CDIP1: variants seen among roughly 807,000 people sequenced by gnomAD.
CDIP1 encodes cell death-inducing p53-target protein 1.
In CDIP1, 9 loss-of-function variants were observed where a neutral mutation model predicts 17.7. That is an observed-to-expected ratio of 0.51 (90% confidence interval 0.31 to 0.89). The LOEUF (loss-of-function observed/expected upper bound fraction) is 0.89, where lower values mean the gene tolerates loss of function less well. CDIP1 is among the 40% of genes least tolerant of loss of function. CDIP1 has a pLI of 0.05. For synonymous variants in CDIP1, 117 were observed against 109.5 expected (o/e 1.07, Z -0.43); for missense variants, 263 against 277.9 (o/e 0.95, Z 0.38).
At chr16:4,531,280 G>A (rs1302063226) in intron 1 of CDIP1, among the ~76,000 whole-genome samples, 4 of 151,658 alleles carry the variant, frequency 2.6e-5, no homozygotes, top group Non-Finnish European at 5.9e-5. Flanking sequence ...CGCCTACCTC[G>A]GCCTCCCAAA....
chr16:4,533,979 C>G (rs1462569043), intron 1 of CDIP1, among the ~76,000 whole-genome samples: 3 of 152,034 alleles, frequency 2.0e-5, no homozygotes, highest in African/African-American at 7.2e-5. Flanking sequence ...TTGAAACAGT[C>G]TCACTCTGTC....
Position 4,511,544 on chromosome 16 carries a change from C to G in CDIP1, c.*1028G>C, listed in dbSNP as rs1476228151. 1 of 152,366 alleles carries G rather than the reference C, an allele frequency of 6.6e-6. No individual in the cohort carries two copies. The highest frequency in any genetic ancestry group is 2.1e-4 in the South Asian group (1 of 4,832). 9.4% of individuals were successfully genotyped at this position (152,366 alleles called of 1,614,324 possible). A position where few individuals can be genotyped will look rare whatever the true frequency, so the allele number is the denominator to read the frequency against. ...CTACCACTTGTGGCTGCTCCTTCCT[C>G]GTCCCTAGCCCAGTGTGCCTGCAGG... is the stretch of plus-strand genomic sequence containing the variant. On this transcript the variant is annotated 3_prime_UTR_variant, in exon 6 of 6. Coordinates refer to ENST00000567695, the MANE Select transcript of CDIP1 (RefSeq NM_013399.3).
chr16:4,513,901 A>T lies in CDIP1; in HGVS notation c.86-50T>A, dbSNP rs2058860903. On this transcript the variant is annotated intron_variant, in intron 3 of 5. Coordinates refer to ENST00000567695, the MANE Select transcript of CDIP1 (RefSeq NM_013399.3). The surrounding 1 kb of genome is among the most constrained non-coding windows in gnomAD (Gnocchi z 4.1). ...GAGACTGAGCTGGAGCCTCTGCACG[A>T]TGAGCTCGACCAGAGGCCACTGTTT... is the stretch of plus-strand genomic sequence containing the variant. 6.6e-7 allele frequency: 1 copy of T among 1,505,922 alleles called. No individual in the cohort carries two copies. The highest frequency in any genetic ancestry group is 1.3e-5 in the South Asian group (1 of 76,126). 93.3% of individuals were successfully genotyped at this position (1,505,922 alleles called of 1,614,324 possible).
rs142578564 is a variant in CDIP1 at position 4,527,659 on chromosome 16, T to C, written c.-105+11043A>G. 3.9e-3 allele frequency among the ~76,000 whole-genome samples: 590 copies of C among 152,290 alleles called. 1 individual carries two copies. The highest frequency in any genetic ancestry group is 6.1e-3 in the Non-Finnish European group (416 of 68,020). On this transcript the variant is annotated intron_variant, in intron 1 of 5. Coordinates refer to ENST00000567695, the MANE Select transcript of CDIP1 (RefSeq NM_013399.3). ...TCTTATGGACTCAATTCCACTTCAA[T>C]GTATTCGTTCTAGAGGTAAATGGAC...
At position 4,511,642 on chromosome 16, in the gene CDIP1, C is replaced by G. The variant is rs2058831021; in HGVS notation, c.*930G>C. 6.6e-6 allele frequency: 1 copy of G among 152,404 alleles called. No homozygotes were observed. Among genetic ancestry groups the G allele is most frequent in the Non-Finnish European group, 1.5e-5 (1 of 68,208 alleles). 9.4% of individuals were successfully genotyped at this position (152,404 alleles called of 1,614,324 possible). A position where few individuals can be genotyped will look rare whatever the true frequency, so the allele number is the denominator to read the frequency against. ...GCCCGGCACTTACAGGGAAGAAAAT[C>G]CATGGAGAAGGCTCTGCACATCCAA... On this transcript the variant is annotated 3_prime_UTR_variant, in exon 6 of 6. Coordinates refer to ENST00000567695, the MANE Select transcript of CDIP1 (RefSeq NM_013399.3).
At chr16:4,538,157 C>G (rs997219305) in intron 1 of CDIP1, among the ~76,000 whole-genome samples, 4 of 152,178 alleles carry the variant, frequency 2.6e-5, no homozygotes. Flanking sequence ...TGCGGGCGAG[C>G]AGGCTGCCAT....
At chr16:4,530,194 T>C (rs1200597494) in intron 1 of CDIP1, among the ~76,000 whole-genome samples, 1 of 152,190 alleles carries the variant, frequency 6.6e-6, no homozygotes, top group Non-Finnish European at 1.5e-5. Context: ...AGAGTGGGAA[T>C]CTAATTTGTA....
At position 4,512,560 on chromosome 16, in the gene CDIP1, G is replaced by T; in HGVS notation, c.*12C>A. The T allele has an allele frequency of 6.3e-7, 1 of 1,598,410 alleles. No homozygotes were observed. Among genetic ancestry groups the T allele is most frequent in the Non-Finnish European group, 8.6e-7 (1 of 1,165,976 alleles). ...AGACTGACAGGCGGGGGAGTCCCGA[G>T]TCCCAGCTCCGTTAGCACAGGCGCT... On this transcript the variant is annotated 3_prime_UTR_variant, in exon 6 of 6. Coordinates refer to ENST00000567695, the MANE Select transcript of CDIP1 (RefSeq NM_013399.3). This position sits in a 1 kb window ranked among gnomAD's most constrained non-coding sequence, Gnocchi z 4.6.
intron 1 of CDIP1, among the ~76,000 whole-genome samples, chr16:4,534,544 C>A (rs1293592187): frequency 6.6e-6 from 1 of 152,240 alleles, no homozygotes; most frequent in African/African-American, 2.4e-5. Flanking sequence ...CTTAGACACT[C>A]TGGCTGCTGC....
chr16:4,514,073 C>T lies in CDIP1; in HGVS notation c.58G>A (p.Glu20Lys), dbSNP rs2141628480. Residue 20 changes from glutamate (E) to lysine (K), a missense_variant, in exon 3 of 6, where the codon GAG (glutamate) becomes AAG (lysine). By Grantham distance (56) the Glu-to-Lys change is moderately conservative. Transcript: ENST00000567695. This position sits in a 1 kb window ranked among gnomAD's most constrained non-coding sequence, Gnocchi z 5.2. ...PGGPTAPLLE[E>K]KSGAPPTPGR... is the part of the protein sequence containing the mutation. Reference sequence around the variant, plus strand: ...GGGGTGGGCGGGGCTCCACTTTTCTCTTCCAGAAGTGGGGCTGTGGGGCCC... The same window carrying T: ...GGGGTGGGCGGGGCTCCACTTTTCTTTTCCAGAAGTGGGGCTGTGGGGCCC... 6.5e-7 allele frequency: 1 copy of T among 1,532,276 alleles called. No homozygotes were observed. The highest frequency in any genetic ancestry group is 8.7e-7 in the Non-Finnish European group (1 of 1,149,636). The allele number at this position is 1,532,276 out of a possible 1,614,324, so 94.9% of individuals were successfully genotyped here.
intron 1 of CDIP1, among the ~76,000 whole-genome samples, chr16:4,526,392 G>C (rs544735439): frequency 2.0e-5 from 3 of 151,902 alleles, no homozygotes; most frequent in South Asian, 2.1e-4. Flanking sequence ...GCAATAGTCT[G>C]AGAATCTGTC....
chr16:4,513,089 C>G lies in CDIP1; in HGVS notation c.242-25G>C. ...CCTGGAATGGCACAGAAGATGGAGG[C>G]GAGAGGTCACTGGCCTGCCACCTGC... On this transcript the variant is annotated intron_variant, in intron 4 of 5. Coordinates refer to ENST00000567695, the MANE Select transcript of CDIP1 (RefSeq NM_013399.3). This position sits in a 1 kb window ranked among gnomAD's most constrained non-coding sequence, Gnocchi z 4.1. 1 of 1,558,890 alleles carries G rather than the reference C, an allele frequency of 6.4e-7. No individual in the cohort carries two copies. Among genetic ancestry groups the G allele is most frequent in the South Asian group, 1.2e-5 (1 of 84,714 alleles).
At chr16:4,538,332 A>C (rs1268433759) in intron 1 of CDIP1, 1 of 152,338 alleles carries the variant, frequency 6.6e-6, no homozygotes, top group African/African-American at 2.4e-5. Context: ...TACCTCCAGA[A>C]GCCCGGTGCC....
chr16:4,530,250 G>C (rs1265338065), intron 1 of CDIP1, among the ~76,000 whole-genome samples: 8 of 152,256 alleles, frequency 5.3e-5, no homozygotes, highest in African/African-American at 1.9e-4. Flanking sequence ...ATGGAAATTA[G>C]TTAACTGAGT....
chr16:4,522,601 T>C (rs9922933), intron 1 of CDIP1: 16,711 of 152,286 alleles, frequency 0.11, 1,878 homozygotes, highest in African/African-American at 0.28. Context: ...CACTGCTCCA[T>C]GAGGGGCAGA....
At position 4,512,877 on chromosome 16, in the gene CDIP1, G is replaced by A. The variant is rs2058846488; in HGVS notation, c.429C>T (p.Pro143=). 6.4e-7 allele frequency: 1 copy of A among 1,564,854 alleles called. No homozygotes were observed. The highest frequency in any genetic ancestry group is 1.2e-5 in the South Asian group (1 of 85,274). The change falls in exon 5 of 6, where the codon CCC becomes CCT. Residue 143 remains proline, a synonymous_variant. Coordinates refer to ENST00000567695, the MANE Select transcript of CDIP1 (RefSeq NM_013399.3). This position sits in a 1 kb window ranked among gnomAD's most constrained non-coding sequence, Gnocchi z 4.6. ...TGGTGGTGATGGCCTGCTGGCAGTG[G>A]GGACACACCGTCTGCACAGGCGCTC... The part of the protein sequence containing the change: ...FEGAPVQTVC[P]HCQQAITTKI...
At chr16:4,538,479 G>A (rs1180123918) in intron 1 of CDIP1, 1 of 146,942 alleles carries the variant, frequency 6.8e-6, no homozygotes, top group Non-Finnish European at 1.5e-5. Context: ...AGGCTTCTAG[G>A]ACTTGTAGTC....
chr16:4,521,101 T>C (rs1020082946), intron 1 of CDIP1, among the ~76,000 whole-genome samples: 8 of 152,082 alleles, frequency 5.3e-5, no homozygotes, highest in African/African-American at 1.9e-4. Flanking sequence ...TGTGTGTGTG[T>C]GTGTGTGTAC....
At position 4,518,369 on chromosome 16, in the gene CDIP1, G is replaced by T. The variant is rs1444418128; in HGVS notation, c.-104-3705C>A. On this transcript the variant is annotated intron_variant, in intron 1 of 5. Coordinates refer to ENST00000567695, the MANE Select transcript of CDIP1 (RefSeq NM_013399.3). Reference sequence around the variant, plus strand: ...CCTCCTTTGGTGTTCACCCAACCTGGGTACAGAAAATGCAGGCCACAGGGA... The same window carrying T: ...CCTCCTTTGGTGTTCACCCAACCTGTGTACAGAAAATGCAGGCCACAGGGA... Among the ~76,000 whole-genome samples, 4 of 152,210 alleles carry T rather than the reference G, an allele frequency of 2.6e-5. No individual in the cohort carries two copies. The East Asian group carries it at 5.8e-4, about 22-fold the overall frequency.
Sources: allele counts gnomAD v4.1 joint callset (sites outside exome capture counted in the v4.1 genomes callset), GRCh38; gene constraint gnomAD v4.1.1; non-coding constraint Gnocchi (gnomAD v3.1); transcripts MANE v1.5; gene names NCBI Gene and HGNC (gene_info 2026-07-23, HGNC 2026-07-21).